Variants in CSMD2 observed in about 807,000 individuals in gnomAD.
The protein encoded by CSMD2 is CUB and sushi domain-containing protein 2.
Under a neutral mutation model 398.5 loss-of-function variants are expected in CSMD2, and 130 were observed. That is an observed-to-expected ratio of 0.33 (90% CI 0.28 to 0.38). CSMD2 has a LOEUF of 0.38. Among genes scored for constraint, CSMD2 ranks in the 10% least tolerant of loss-of-function variants. CSMD2 has a pLI of 1.00. For synonymous variants in CSMD2, 1,828 were observed against 1,908.5 expected, an observed-to-expected ratio of 0.96 and a Z score of 1.10; for missense variants, 3,829 against 4,764.9, an observed-to-expected ratio of 0.80 and a Z score of 5.78.
intron 1 of CSMD2, among the ~76,000 whole-genome samples, chr1:34,118,407 T>C (rs1015128218): frequency 2.0e-5 from 3 of 152,180 alleles, no homozygotes; most frequent in Non-Finnish European, 2.9e-5. Context: ...ATACTGGAAG[T>C]CCTTGCCAGA....
chr1:33,693,736 T>A (rs559274943), intron 24 of CSMD2, among the ~76,000 whole-genome samples: 2 of 152,300 alleles, frequency 1.3e-5, no homozygotes, highest in East Asian at 3.9e-4. Context: ...GGCATAGCCA[T>A]ACAATGGAAT....
At chr1:33,708,331 A>G (rs1047611194) in intron 22 of CSMD2, among the ~76,000 whole-genome samples, 3 of 152,176 alleles carry the variant, frequency 2.0e-5, no homozygotes, top group Non-Finnish European at 4.4e-5. Context: ...CAAAACATAC[A>G]CAATGCACAA....
At chr1:33,759,174 G>C (rs571624) in intron 13 of CSMD2, among the ~76,000 whole-genome samples, 8 of 152,158 alleles carry the variant, frequency 5.3e-5, no homozygotes, top group African/African-American at 1.9e-4. Context: ...GATGGAGCCA[G>C]TCTTGTGAGG....
chr1:33,652,547 G>A, intron 27 of CSMD2, 86 bp from the exon 28 acceptor site: 1 of 1,498,722 alleles, frequency 6.7e-7, no homozygotes, highest in Non-Finnish European at 9.1e-7. Flanking sequence ...ATTGAGAGAG[G>A]AGAGGCTGAG....
At chr1:34,003,057 C>G (rs1646949031) in intron 3 of CSMD2, among the ~76,000 whole-genome samples, 1 of 152,126 alleles carries the variant, frequency 6.6e-6, no homozygotes, top group African/African-American at 2.4e-5. Context: ...TTGCCCTGAA[C>G]CAGTAGAGAA....
At chr1:33,891,935 A>G (rs1324416653) in intron 5 of CSMD2, among the ~76,000 whole-genome samples, 1 of 147,392 alleles carries the variant, frequency 6.8e-6, no homozygotes, top group Non-Finnish European at 1.5e-5. Context: ...GCATTAGGAG[A>G]TATACCTAAT....
At chr1:33,686,369 C>T (rs1571222209) in intron 25 of CSMD2, among the ~76,000 whole-genome samples, 1 of 152,340 alleles carries the variant, frequency 6.6e-6, no homozygotes, top group South Asian at 2.1e-4. Context: ...GGGAGCAGCT[C>T]ATGGGTCTGC....
chr1:33,717,880 A>G (rs1223981212), intron 19 of CSMD2, among the ~76,000 whole-genome samples: 1 of 152,080 alleles, frequency 6.6e-6, no homozygotes, highest in African/African-American at 2.4e-5. Flanking sequence ...GTAAGGGGGA[A>G]GGTTAAGAGC....
rs1658412840 is a variant in CSMD2, at chr1:33,823,505, C to T, written c.1111+2192G>A. Among the ~76,000 whole-genome samples the T allele has an allele frequency of 3.3e-5, 5 of 152,162 alleles. No individual in the cohort carries two copies. In the South Asian group the frequency reaches 1.0e-3, roughly 32 times the overall value. ...GGACAGGAATGGGGAGTAATCCTTA[C>T]TCTACTCTGGGAGGGCCACTATGGC... On this transcript the variant is annotated intron_variant, in intron 7 of 70. Transcript: ENST00000373381.
chr1:33,699,535 A>G (rs1645536565), intron 23 of CSMD2, among the ~76,000 whole-genome samples: 1 of 152,218 alleles, frequency 6.6e-6, no homozygotes, highest in Non-Finnish European at 1.5e-5. Flanking sequence ...CAATTTTCAC[A>G]TGATAGAAGT....
At chr1:33,550,038 T>C in intron 56 of CSMD2, 139 bp downstream of exon 56, 2 of 809,706 alleles carry the variant, frequency 2.5e-6, no homozygotes, top group South Asian at 3.7e-5. Context: ...CTGTGCTTTC[T>C]ACCTGTTAGG....
chr1:34,050,910 C>CATATG (rs1034394236), intron 2 of CSMD2, among the ~76,000 whole-genome samples: 10 of 151,948 alleles, frequency 6.6e-5, no homozygotes, highest in Non-Finnish European at 1.3e-4. Flanking sequence ...CAGAGGCTAG[C>CATATG]ATATGCTATG....
intron 5 of CSMD2, among the ~76,000 whole-genome samples, chr1:33,881,443 C>T (rs181011376): frequency 4.6e-5 from 7 of 152,190 alleles, no homozygotes; most frequent in South Asian, 2.1e-4. Context: ...TGGGGAAGGT[C>T]GTTTTGGCTA....
intron 3 of CSMD2, among the ~76,000 whole-genome samples, chr1:33,970,786 T>C (rs933598723): frequency 6.6e-6 from 1 of 152,202 alleles, no homozygotes; most frequent in Admixed American, 6.5e-5. Context: ...CAGGTGATTT[T>C]CCAGGTCACT....
At chr1:33,828,843 C>T (rs1310485137) in intron 6 of CSMD2, among the ~76,000 whole-genome samples, 2 of 152,204 alleles carry the variant, frequency 1.3e-5, no homozygotes, top group African/African-American at 4.8e-5. Flanking sequence ...CATTGGGCTG[C>T]TTCTAGTAAT....
intron 22 of CSMD2, among the ~76,000 whole-genome samples, chr1:33,707,086 G>C (rs1395359666): frequency 6.6e-6 from 1 of 152,114 alleles, no homozygotes; most frequent in African/African-American, 2.4e-5. Context: ...GTGCCGTTGA[G>C]TGTGCACACC....
At chr1:33,787,277 G>A (rs1370714916) in intron 12 of CSMD2, among the ~76,000 whole-genome samples, 1 of 152,196 alleles carries the variant, frequency 6.6e-6, no homozygotes, top group Non-Finnish European at 1.5e-5. Flanking sequence ...TGTGAAGCCA[G>A]CCAGCCCAAG....
intron 9 of CSMD2, 118 bp from the exon 10 acceptor site, chr1:33,810,982 C>T (rs1656805422): frequency 8.8e-7 from 1 of 1,138,588 alleles, no homozygotes; most frequent in Non-Finnish European, 1.2e-6. Context: ...TGGACATAAC[C>T]TTCTGCTTCC....
At chr1:33,752,701 T>C (rs1319183175) in intron 13 of CSMD2, among the ~76,000 whole-genome samples, 1 of 152,140 alleles carries the variant, frequency 6.6e-6, no homozygotes, top group African/African-American at 2.4e-5. Context: ...TCTCAGAAGA[T>C]AAGAAAATGA....
Sources: allele counts gnomAD v4.1 joint callset (sites outside exome capture counted in the v4.1 genomes callset), GRCh38; gene constraint gnomAD v4.1.1; transcripts MANE v1.5; gene names NCBI Gene and HGNC (gene_info 2026-07-23, HGNC 2026-07-21).